C4orf46: variants seen among roughly 807,000 people sequenced by gnomAD.
C4orf46 encodes the protein chromosome 4 open reading frame 46.
A neutral mutation model predicts 9.1 loss-of-function variants in C4orf46; 8 were observed. The ratio of observed to expected loss-of-function variants is 0.88; its 90% CI spans 0.52 to 1.59. The LOEUF (loss-of-function observed/expected upper bound fraction) is 1.59, where lower values mean the gene tolerates loss of function less well. Among genes scored for constraint, C4orf46 ranks in the 40% most tolerant of loss-of-function variants. C4orf46 has a pLI of 0.00. For synonymous variants in C4orf46, 51 were observed against 58.8 expected, an observed-to-expected ratio of 0.87 and a Z score of 0.61; for missense variants, 151 against 139.1, an observed-to-expected ratio of 1.09 and a Z score of -0.43.
chr4:158,671,922 C>T (rs1561232462), upstream of C4orf46: 3 of 801,380 alleles, frequency 3.7e-6, no homozygotes, highest in East Asian at 5.8e-5. Context: ...CCCGCCCAGT[C>T]TCCTCGTGGG....
chr4:158,669,810 T>G, intron 1 of C4orf46, 42 bp from the exon 2 acceptor site: 1 of 1,511,492 alleles, frequency 6.6e-7, no homozygotes, highest in Non-Finnish European at 9.0e-7. Flanking sequence ...TTTAAAATTC[T>G]CATCTCATTT....
rs1439861235 is a variant in C4orf46 at position 158,667,390 on chromosome 4, A to T, written c.*2223T>A. 1.3e-5 allele frequency: 2 copies of T among 152,230 alleles called. No homozygotes were observed. Among genetic ancestry groups the T allele is most frequent in the Non-Finnish European group, 2.9e-5 (2 of 68,032 alleles). 9.4% of individuals were successfully genotyped at this position (152,230 alleles called of 1,614,324 possible). ...CCTATACAAAAACCAGAAAAAGCAA[A>T]TCATTATGAAAGATTGGTAAAATTA... On this transcript the variant is annotated 3_prime_UTR_variant, in exon 2 of 2. Transcript: ENST00000379205.
At chr4:158,670,207 G>A (rs1773491488) in intron 1 of C4orf46, among the ~76,000 whole-genome samples, 1 of 151,734 alleles carries the variant, frequency 6.6e-6, no homozygotes, top group Non-Finnish European at 1.5e-5. Context: ...ATTTTTAGTA[G>A]AAACAGGGTT....
At chr4:158,671,429 C>T (rs1042779988) in intron 1 of C4orf46, among the ~76,000 whole-genome samples, 187 bp downstream of exon 1, 2 of 152,220 alleles carry the variant, frequency 1.3e-5, no homozygotes, top group Non-Finnish European at 2.9e-5. Context: ...GGGGAACCCT[C>T]AGAGAGGGGT....
intron 1 of C4orf46, among the ~76,000 whole-genome samples, chr4:158,670,028 T>TTTTTTGTTTTTTTTTTTTTTTTTTTTTTC (rs1773483319): frequency 8.8e-6 from 1 of 113,142 alleles, no homozygotes; most frequent in African/African-American, 3.5e-5. Context: ...GTTTTCTTTT[T>TTTTTTGTTTTTTTTTTTTTTTTTTTTTTC]TTTTTTTTTT....
In C4orf46 at chr4:158,666,695, A is replaced by G. The variant is rs1307742359; in HGVS notation, c.*2918T>C. The G allele has an allele frequency of 1.3e-5, 2 of 152,224 alleles. No individual in the cohort carries two copies. The highest frequency in any genetic ancestry group is 1.3e-4 in the Admixed American group (2 of 15,288). The allele number at this position is 152,224 out of a possible 1,614,324, so 9.4% of individuals were successfully genotyped here. On this transcript the variant is annotated 3_prime_UTR_variant, in exon 2 of 2. Transcript: ENST00000379205. Reference sequence around the variant, plus strand: ...ACAGATTAACAAGAGAAAAACAAGTAATTTTATTAATATATGCAACGTACA... The same window carrying G: ...ACAGATTAACAAGAGAAAAACAAGTGATTTTATTAATATATGCAACGTACA...
In C4orf46 at chr4:158,666,735, A is replaced by C. The variant is rs1773384836; in HGVS notation, c.*2878T>G. On this transcript the variant is annotated 3_prime_UTR_variant, in exon 2 of 2. Transcript: ENST00000379205. ...TGCAACGTACATCACACAGGAGAAA[A>C]CTCAATGAAAAGGTAAACACAAGTA... 1.3e-5 allele frequency: 2 copies of C among 152,188 alleles called. No individual in the cohort carries two copies. Among genetic ancestry groups the C allele is most frequent in the Non-Finnish European group, 2.9e-5 (2 of 68,042 alleles). 9.4% of individuals were successfully genotyped at this position (152,188 alleles called of 1,614,324 possible).
At position 158,671,821 on chromosome 4, in the gene C4orf46, G is replaced by A. The variant is rs761401253; in HGVS notation, c.-20C>T. ...GGCCATGGGGAAGGGTTGGGACCGC[G>A]GAATCCGACCCGAGAAGCCGAACCG... On this transcript the variant is annotated 5_prime_UTR_variant, in exon 1 of 2. Coordinates refer to ENST00000379205, the MANE Select transcript of C4orf46 (RefSeq NM_001008393.4). 3 of 1,475,720 alleles carry A rather than the reference G, an allele frequency of 2.0e-6. No homozygotes were observed. In the African/African-American group the frequency reaches 4.3e-5, roughly 21 times the overall value. 91.4% of individuals were successfully genotyped at this position (1,475,720 alleles called of 1,614,324 possible).
Position 158,669,473 on chromosome 4 carries a change from AG to A in C4orf46, c.*139del. 2.5e-6 allele frequency: 2 copies of A among 796,538 alleles called. No homozygotes were observed. The highest frequency in any genetic ancestry group is 3.8e-6 in the Non-Finnish European group (2 of 530,786). The allele number at this position is 796,538 out of a possible 1,614,324, so 49.3% of individuals were successfully genotyped here. On this transcript the variant is annotated 3_prime_UTR_variant, in exon 2 of 2. Coordinates refer to ENST00000379205, the MANE Select transcript of C4orf46 (RefSeq NM_001008393.4). The stretch of plus-strand genomic sequence containing the variant: ...CGGTATTCTGCTTTCACAAAAACCA[AG>A]AAAACCAAGAAAAATTTCATTCTGA...
chr4:158,671,317 C>G (rs1213387193), intron 1 of C4orf46, among the ~76,000 whole-genome samples: 1 of 152,120 alleles, frequency 6.6e-6, no homozygotes, highest in Non-Finnish European at 1.5e-5. Flanking sequence ...CTTCGGGTTA[C>G]TGCGGATGAT....
chr4:158,670,028 T>TTTTTTTTTC (rs1554030226), intron 1 of C4orf46, among the ~76,000 whole-genome samples: 1 of 113,140 alleles, frequency 8.8e-6, no homozygotes, highest in South Asian at 2.8e-4. Context: ...GTTTTCTTTT[T>TTTTTTTTTC]TTTTTTTTTT....
In C4orf46 at chr4:158,666,723, A is replaced by G. The variant is rs988243375; in HGVS notation, c.*2890T>C. 1.3e-5 allele frequency: 2 copies of G among 152,258 alleles called. No individual in the cohort carries two copies. Among genetic ancestry groups the G allele is most frequent in the African/African-American group, 4.8e-5 (2 of 41,466 alleles). 9.4% of individuals were successfully genotyped at this position (152,258 alleles called of 1,614,324 possible). On this transcript the variant is annotated 3_prime_UTR_variant, in exon 2 of 2. Coordinates refer to ENST00000379205, the MANE Select transcript of C4orf46 (RefSeq NM_001008393.4). Reference sequence around the variant, plus strand: ...TTTATTAATATATGCAACGTACATCACACAGGAGAAAACTCAATGAAAAGG... The same window carrying G: ...TTTATTAATATATGCAACGTACATCGCACAGGAGAAAACTCAATGAAAAGG...
chr4:158,671,936 C>T (rs939465197), upstream of C4orf46: 7 of 679,226 alleles, frequency 1.0e-5, no homozygotes, highest in Admixed American at 6.4e-5. Flanking sequence ...TCGTGGGTCT[C>T]AGCCCCGGAC....
chr4:158,671,212 GA>G (rs1474191860), intron 1 of C4orf46, among the ~76,000 whole-genome samples: 1 of 151,848 alleles, frequency 6.6e-6, no homozygotes, highest in East Asian at 1.9e-4. Flanking sequence ...CTCATGCAGT[GA>G]AAACTATTCT....
Position 158,669,802 on chromosome 4 carries a change from T to G in C4orf46, c.187-34A>C, listed in dbSNP as rs1416917088. ...AAAAAGTCAAACATAATTTTATTTT[T>G]AAAATTCTCATCTCATTTTATAAGC... On this transcript the variant is annotated intron_variant, in intron 1 of 1. Transcript: ENST00000379205. 3.9e-6 allele frequency: 6 copies of G among 1,542,180 alleles called. No individual in the cohort carries two copies. In the Admixed American group the frequency reaches 9.9e-5, roughly 25 times the overall value.
rs1773458678 is a variant in C4orf46 at position 158,669,419 on chromosome 4, C to A, written c.*194G>T. On this transcript the variant is annotated 3_prime_UTR_variant, in exon 2 of 2. Transcript: ENST00000379205. ...GAGGCATAAAGTATTTAAGGACAAA[C>A]AAGTACTGGTCCGCAACAAAAATAG... The A allele has an allele frequency of 9.8e-6, 5 of 510,194 alleles. No homozygotes were observed. The South Asian group carries it at 1.8e-4, about 18-fold the overall frequency. The allele number at this position is 510,194 out of a possible 1,614,324, so 31.6% of individuals were successfully genotyped here.
In C4orf46 at chr4:158,669,574, A is replaced by C. The variant is rs1313410463; in HGVS notation, c.*39T>G. Reference sequence around the variant, plus strand: ...TACAAAATATGACATAAGAAGTATGAATTATTGCAGTCATTATTAAACAAC... The same window carrying C: ...TACAAAATATGACATAAGAAGTATGCATTATTGCAGTCATTATTAAACAAC... On this transcript the variant is annotated 3_prime_UTR_variant, in exon 2 of 2. Transcript: ENST00000379205. 1 of 1,596,768 alleles carries C rather than the reference A, an allele frequency of 6.3e-7. No individual in the cohort carries two copies. Among genetic ancestry groups the C allele is most frequent in the East Asian group, 2.2e-5 (1 of 44,744 alleles).
chr4:158,671,723 C>T lies in C4orf46; in HGVS notation c.79G>A (p.Ala27Thr), dbSNP rs145167320. 1,590 of 1,601,292 alleles carry T rather than the reference C, an allele frequency of 9.9e-4. 4 individuals are homozygous for T. The highest frequency in any genetic ancestry group is 1.2e-3 in the Non-Finnish European group (1,363 of 1,174,170). Residue 27 changes from alanine (A) to threonine (T), a missense_variant, in exon 1 of 2, where the codon GCA becomes ACA. Coordinates refer to ENST00000379205, the MANE Select transcript of C4orf46 (RefSeq NM_001008393.4). ...PSSPSSSDAS[A>T]ASSPGGPVSL... ...ACTGGGCCGCCCGGGGAAGATGCTG[C>T]AGAGGCGTCTGAAGAGGAGGGAGAA... is the stretch of plus-strand genomic sequence containing the variant.
chr4:158,669,075 T>C lies in C4orf46; in HGVS notation c.*538A>G, dbSNP rs951684300. 6.6e-6 allele frequency: 1 copy of C among 152,272 alleles called. No homozygotes were observed. The highest frequency in any genetic ancestry group is 2.4e-5 in the African/African-American group (1 of 41,468). The allele number at this position is 152,272 out of a possible 1,614,324, so 9.4% of individuals were successfully genotyped here. On this transcript the variant is annotated 3_prime_UTR_variant, in exon 2 of 2. Coordinates refer to ENST00000379205, the MANE Select transcript of C4orf46 (RefSeq NM_001008393.4). ...TAGGAAGAAAAAAAGCTTTCAATTA[T>C]GTTTGTTAACTCTTTTATTCAACAA...
Sources: gnomAD v4.1 joint callset for allele counts (sites outside exome capture counted in the v4.1 genomes callset) on GRCh38, gnomAD v4.1.1 for gene constraint, MANE v1.5 for transcripts, NCBI Gene and HGNC (gene_info 2026-07-23, HGNC 2026-07-21) for gene names.